Variants in GREB1L observed in about 807,000 individuals in gnomAD.
GREB1L encodes GREB1-like protein.
In GREB1L, 17 loss-of-function variants were observed where a neutral mutation model predicts 200.8. That is an observed-to-expected ratio of 0.08 (90% CI 0.06 to 0.13). The LOEUF is 0.13. Among genes scored for constraint, GREB1L ranks in the 10% least tolerant of loss-of-function variants. The pLI is 1.00. For missense variants in GREB1L, 1,657 were observed against 2,367.7 expected (o/e 0.70, Z 6.23); for synonymous variants, 789 against 893.0 (o/e 0.88, Z 2.08).
chr18:21,440,301 C>A lies in GREB1L; in HGVS notation c.982C>A (p.Arg328=). The change falls in exon 9 of 33, where the codon CGA becomes AGA. Residue 328 remains arginine, a synonymous_variant. Transcript: ENST00000424526. Reference sequence around the variant, plus strand: ...GTTCATTTCTGGGCCACCAAAGAAACGACACCGGGGATGGTATCCTGGGTC... The same window carrying A: ...GTTCATTTCTGGGCCACCAAAGAAAAGACACCGGGGATGGTATCCTGGGTC... ...TMFISGPPKK[R]HRGWYPGSPL... The A allele has an allele frequency of 1.3e-6, 2 of 1,551,564 alleles. No homozygotes were observed. The highest frequency in any genetic ancestry group is 8.7e-7 in the Non-Finnish European group (1 of 1,146,906).
intron 1 of GREB1L, among the ~76,000 whole-genome samples, chr18:21,261,699 A>C (rs1567912067): frequency 6.6e-6 from 1 of 152,134 alleles, no homozygotes; most frequent in Non-Finnish European, 1.5e-5. Flanking sequence ...TTTCCAAAGT[A>C]ATTATAAAAA....
intron 1 of GREB1L, among the ~76,000 whole-genome samples, chr18:21,278,444 A>G (rs1485651484): frequency 6.6e-6 from 1 of 151,656 alleles, no homozygotes; most frequent in Admixed American, 6.6e-5. Context: ...TTACAACAGC[A>G]TCCTCCTCAA....
chr18:21,466,048 C>T (rs1482699909), intron 15 of GREB1L, among the ~76,000 whole-genome samples: 5 of 152,132 alleles, frequency 3.3e-5, no homozygotes, highest in Admixed American at 6.5e-5. Context: ...CTACATTCTA[C>T]GTATTCTCCT....
At chr18:21,466,015 A>G (rs1233189900) in intron 15 of GREB1L, among the ~76,000 whole-genome samples, 1 of 152,086 alleles carries the variant, frequency 6.6e-6, no homozygotes. Context: ...GCTTAATTTC[A>G]TATACTTTAA....
intron 21 of GREB1L, among the ~76,000 whole-genome samples, chr18:21,499,082 T>C (rs2036669595): frequency 6.6e-6 from 1 of 152,180 alleles, no homozygotes; most frequent in Non-Finnish European, 1.5e-5. Context: ...ATGTCCCACT[T>C]CGCGCAGGGC....
intron 15 of GREB1L, 85 bp downstream of exon 15, chr18:21,454,648 T>A: frequency 9.8e-7 from 1 of 1,017,794 alleles, no homozygotes; most frequent in Non-Finnish European, 1.5e-6. Context: ...TCCAAACGTC[T>A]AGAGGATGCT....
intron 1 of GREB1L, among the ~76,000 whole-genome samples, chr18:21,334,730 C>T (rs191609208): frequency 3.5e-4 from 53 of 151,838 alleles, no homozygotes; most frequent in East Asian, 3.1e-3. Context: ...GCTGAGATTG[C>T]GCCACTGCAC....
chr18:21,462,927 C>T lies in GREB1L; in HGVS notation c.2182+8364C>T, dbSNP rs191411055. On this transcript the variant is annotated intron_variant, in intron 15 of 32. Transcript: ENST00000424526. ...CTGCATATCACATTGATAACATTAA[C>T]CACACAGCAAAAAGAATTAATTCAA... Among the ~76,000 whole-genome samples, 7 of 152,168 alleles carry T rather than the reference C, an allele frequency of 4.6e-5. No individual in the cohort carries two copies. The East Asian group carries it at 1.2e-3, about 25-fold the overall frequency.
At chr18:21,509,161 G>T (rs2037139490) in intron 27 of GREB1L, among the ~76,000 whole-genome samples, 2 of 152,218 alleles carry the variant, frequency 1.3e-5, no homozygotes, top group South Asian at 4.1e-4. Flanking sequence ...CAGTCTTGTT[G>T]TATGTATGAC....
chr18:21,414,089 C>T (rs766053327), intron 7 of GREB1L, among the ~76,000 whole-genome samples: 3 of 151,978 alleles, frequency 2.0e-5, no homozygotes, highest in Non-Finnish European at 4.4e-5. Flanking sequence ...AGAAAATAAC[C>T]GAAATGGAGA....
intron 2 of GREB1L, among the ~76,000 whole-genome samples, chr18:21,373,179 G>A (rs1394976371): frequency 1.3e-5 from 2 of 152,042 alleles, no homozygotes; most frequent in Non-Finnish European, 2.9e-5. Flanking sequence ...GTGATGCTAA[G>A]CTCAACCAGT....
chr18:21,440,209 T>C (rs999683742), intron 8 of GREB1L, 60 bp from the exon 9 acceptor site: 2 of 1,526,236 alleles, frequency 1.3e-6, no homozygotes, highest in African/African-American at 2.8e-5. Flanking sequence ...GTTCTTTCCT[T>C]TCTTCCACAT....
intron 1 of GREB1L, among the ~76,000 whole-genome samples, chr18:21,286,779 T>C (rs1454323267): frequency 2.0e-5 from 3 of 152,206 alleles, no homozygotes; most frequent in African/African-American, 7.2e-5. Flanking sequence ...ATTGCAGGCA[T>C]GAGCCACTGC....
In GREB1L at chr18:21,461,800, A is replaced by G. The variant is rs116576490; in HGVS notation, c.2182+7237A>G. Among the ~76,000 whole-genome samples, 523 of 152,360 alleles carry G rather than the reference A, an allele frequency of 3.4e-3. 6 individuals carry two copies. The highest frequency in any genetic ancestry group is 0.012 in the African/African-American group (509 of 41,586). On this transcript the variant is annotated intron_variant, in intron 15 of 32. Coordinates refer to ENST00000424526, the MANE Select transcript of GREB1L (RefSeq NM_001142966.3). ...CTATGCATGAATATTTGCTGAACAA[A>G]TATTCAACATTTTGTTGAATTTTAA...
chr18:21,506,200 C>T (rs1196406977), intron 25 of GREB1L, among the ~76,000 whole-genome samples: 1 of 152,084 alleles, frequency 6.6e-6, no homozygotes, highest in African/African-American at 2.4e-5. Context: ...TCGTGATCAT[C>T]CTGGCCAACA....
intron 23 of GREB1L, 54 bp downstream of exon 23, chr18:21,500,696 T>C (rs2036752397): frequency 2.4e-6 from 3 of 1,275,904 alleles, no homozygotes; most frequent in Non-Finnish European, 3.2e-6. Context: ...AGACATTGAA[T>C]TGCAAATCCC....
rs566396802 is a variant in GREB1L, at chr18:21,291,000, A to G, written c.-120+48607A>G. 2.0e-5 allele frequency among the ~76,000 whole-genome samples: 3 copies of G among 152,082 alleles called. No homozygotes were observed. The East Asian group carries it at 5.8e-4, about 29-fold the overall frequency. On this transcript the variant is annotated intron_variant, in intron 1 of 32. Coordinates refer to ENST00000424526, the MANE Select transcript of GREB1L (RefSeq NM_001142966.3). ...ATGAGCAACGCTTGTCCTATAGGAT[A>G]TTTGTCCAGCCAAGCAGTTTATTCT...
chr18:21,504,152 G>A (rs2036918608), intron 23 of GREB1L, among the ~76,000 whole-genome samples: 1 of 151,876 alleles, frequency 6.6e-6, no homozygotes, highest in South Asian at 2.1e-4. Flanking sequence ...TCGAATTCCT[G>A]ACCTCAAATG....
chr18:21,334,836 C>T (rs1050794596), intron 1 of GREB1L, among the ~76,000 whole-genome samples: 3 of 151,932 alleles, frequency 2.0e-5, no homozygotes, highest in African/African-American at 7.3e-5. Flanking sequence ...ATGAATTAAC[C>T]TTTGAGAGGC....
Sources: gnomAD v4.1 joint callset for allele counts (sites outside exome capture counted in the v4.1 genomes callset) on GRCh38, gnomAD v4.1.1 for gene constraint, MANE v1.5 for transcripts, NCBI Gene and HGNC (gene_info 2026-07-23, HGNC 2026-07-21) for gene names.